Variants in KIF6 observed in about 807,000 individuals in gnomAD.
KIF6 encodes kinesin family member 6, also known as kinesin-like protein KIF6.
In KIF6, 106 loss-of-function variants were observed where a neutral mutation model predicts 112.7. That is an observed-to-expected ratio of 0.94 (90% CI 0.80 to 1.11). The LOEUF is 1.11. Ranked by LOEUF, KIF6 falls within the 50% of genes least tolerant of loss-of-function variation. KIF6 has a pLI of 0.00. For synonymous variants in KIF6, 339 were observed against 339.9 expected (o/e 1.00, Z 0.03); for missense variants, 929 against 964.0 (o/e 0.96, Z 0.48).
At chr6:39,397,559 C>A (rs1481700549) in intron 15 of KIF6, among the ~76,000 whole-genome samples, 2 of 152,130 alleles carry the variant, frequency 1.3e-5, no homozygotes, top group East Asian at 3.8e-4. Flanking sequence ...GTTCTGCCTG[C>A]CTGAAATTCC....
At chr6:39,379,064 T>C (rs1766697056) in intron 16 of KIF6, among the ~76,000 whole-genome samples, 1 of 152,232 alleles carries the variant, frequency 6.6e-6, no homozygotes, top group Admixed American at 6.5e-5. Flanking sequence ...TCAGTGTCCT[T>C]TATACAAGGA....
chr6:39,387,623 G>T (rs916764856), intron 15 of KIF6, among the ~76,000 whole-genome samples: 5 of 152,130 alleles, frequency 3.3e-5, no homozygotes, highest in Non-Finnish European at 5.9e-5. Context: ...ATGAGTATTG[G>T]TGAACCTGGA....
At chr6:39,414,223 A>G (rs1769729701) in intron 15 of KIF6, among the ~76,000 whole-genome samples, 1 of 152,038 alleles carries the variant, frequency 6.6e-6, no homozygotes, top group African/African-American at 2.4e-5. Flanking sequence ...TCGAGTCCTT[A>G]TTTGTGCTGG....
intron 14 of KIF6, among the ~76,000 whole-genome samples, chr6:39,427,504 T>C (rs1355580930): frequency 1.3e-5 from 2 of 152,112 alleles, no homozygotes; most frequent in Non-Finnish European, 2.9e-5. Context: ...AAGAAAGGGG[T>C]AGGTTCTGGG....
intron 13 of KIF6, among the ~76,000 whole-genome samples, chr6:39,504,106 A>T (rs1776299237): frequency 6.6e-6 from 1 of 152,156 alleles, no homozygotes; most frequent in African/African-American, 2.4e-5. Flanking sequence ...AAAAATCCTC[A>T]ACAAAATAAT....
At chr6:39,598,957 G>A (rs1782435136) in intron 6 of KIF6, among the ~76,000 whole-genome samples, 1 of 152,108 alleles carries the variant, frequency 6.6e-6, no homozygotes. Flanking sequence ...TAAAAACATG[G>A]ACCAGAAGCA....
chr6:39,356,099 G>C (rs1472552770), intron 19 of KIF6, among the ~76,000 whole-genome samples: 1 of 151,392 alleles, frequency 6.6e-6, no homozygotes, highest in African/African-American at 2.4e-5. Flanking sequence ...TGGTTTTTGG[G>C]GACCTTGACA....
intron 13 of KIF6, among the ~76,000 whole-genome samples, chr6:39,457,905 G>A (rs970039306): frequency 7.3e-5 from 11 of 150,422 alleles, no homozygotes; most frequent in African/African-American, 2.7e-4. Flanking sequence ...AAAGAGTCCA[G>A]GACCAGATGG....
rs192765693 is a variant in KIF6, at chr6:39,342,949, G to A, written c.2428+760C>T. 2.5e-4 allele frequency: 246 copies of A among 985,420 alleles called. No homozygotes were observed. The highest frequency in any genetic ancestry group is 2.8e-4 in the Non-Finnish European group (233 of 829,928). The allele number at this position is 985,420 out of a possible 1,614,324, so 61.0% of individuals were successfully genotyped here. ...CAGCCCATACCATCACGGTGGGGGC[G>A]CCTTTCTGGCAATGTGAAGGCAATG... On this transcript the variant is annotated intron_variant, in intron 22 of 22. Coordinates refer to ENST00000287152, the MANE Select transcript of KIF6 (RefSeq NM_145027.6). This position sits in a 1 kb window ranked among gnomAD's most constrained non-coding sequence, Gnocchi z 4.7.
chr6:39,343,709 A>G lies in KIF6; in HGVS notation c.2428T>C (p.Cys810Arg). The G allele has an allele frequency of 1.9e-6, 3 of 1,603,512 alleles. No individual in the cohort carries two copies. The highest frequency in any genetic ancestry group is 1.3e-5 in the African/African-American group (1 of 74,584). Residue 810 changes from cysteine (C) to arginine (R), a missense_variant and splice_region_variant, in exon 22 of 23, where the codon TGT becomes CGT. This residue lies in a region of KIF6 where 241 missense variants were observed against 301.4 expected (regional missense o/e 0.80). Transcript: ENST00000287152. The surrounding 1 kb of genome is among the most constrained non-coding windows in gnomAD (Gnocchi z 4.1). ...KARQSILQKQCLGSN is the reference protein window; with the variant it reads ...KARQSILQKQRLGSN ...GAGCCACCGAGGGAGGTGCACTTAC[A>G]TTGCTTCTGCAGAATGCTCTGTCTG...
At chr6:39,375,669 G>C (rs1008284700) in intron 16 of KIF6, among the ~76,000 whole-genome samples, 2 of 152,152 alleles carry the variant, frequency 1.3e-5, no homozygotes, top group Non-Finnish European at 2.9e-5. Context: ...AGGCCTGCAG[G>C]ATTGGACTAG....
intron 13 of KIF6, among the ~76,000 whole-genome samples, chr6:39,492,578 T>G (rs545129682): frequency 1.3e-5 from 2 of 152,162 alleles, no homozygotes; most frequent in Admixed American, 6.5e-5. Context: ...TGAGTTCCAG[T>G]GAAGGACCTG....
chr6:39,549,258 G>C (rs775324554), intron 10 of KIF6, among the ~76,000 whole-genome samples: 1 of 151,224 alleles, frequency 6.6e-6, no homozygotes, highest in South Asian at 2.1e-4. Flanking sequence ...GTAGCCATAT[G>C]TCCCTAAAAA....
At chr6:39,617,640 A>G (rs1783591924) in intron 5 of KIF6, 2 of 447,952 alleles carry the variant, frequency 4.5e-6, no homozygotes, top group Admixed American at 2.4e-5. Flanking sequence ...TCATAAGGCA[A>G]TGAAGAGCCT....
chr6:39,408,629 C>T (rs1769259123), intron 15 of KIF6, among the ~76,000 whole-genome samples: 1 of 149,016 alleles, frequency 6.7e-6, no homozygotes, highest in Admixed American at 6.7e-5. Context: ...ATAGGTGCCT[C>T]TCTCTCTCTC....
rs544086505 is a variant in KIF6, at chr6:39,439,821, A to G, written c.1646-8660T>C. 1.2e-4 allele frequency among the ~76,000 whole-genome samples: 18 copies of G among 152,282 alleles called. No homozygotes were observed. The South Asian group carries it at 3.3e-3, about 28-fold the overall frequency. On this transcript the variant is annotated intron_variant, in intron 13 of 22. Coordinates refer to ENST00000287152, the MANE Select transcript of KIF6 (RefSeq NM_145027.6). Reference sequence around the variant, plus strand: ...TGGAAACCAAATGGAAAGGAAAAACATCGGAAGTGGAGAGTTTATGCTATT... The same window carrying G: ...TGGAAACCAAATGGAAAGGAAAAACGTCGGAAGTGGAGAGTTTATGCTATT...
intron 10 of KIF6, among the ~76,000 whole-genome samples, chr6:39,569,506 A>G (rs1371108044): frequency 6.6e-6 from 1 of 152,264 alleles, no homozygotes; most frequent in Non-Finnish European, 1.5e-5. Context: ...GTTGAAATTT[A>G]TTCAACTTCA....
intron 22 of KIF6, among the ~76,000 whole-genome samples, chr6:39,337,225 T>TTCTTTCTTTCTC (rs1763065879): frequency 1.8e-5 from 2 of 111,194 alleles, no homozygotes; most frequent in South Asian, 2.5e-4. Flanking sequence ...CTTTCTTTCT[T>TTCTTTCTTTCTC]TCTTTCTTTC....
At chr6:39,618,091 C>G (rs772990769) in intron 5 of KIF6, among the ~76,000 whole-genome samples, 3 of 152,134 alleles carry the variant, frequency 2.0e-5, no homozygotes, top group Non-Finnish European at 2.9e-5. Context: ...TTACAACTTT[C>G]TAAAAGGTTT....
Sources: allele counts gnomAD v4.1 joint callset (sites outside exome capture counted in the v4.1 genomes callset), GRCh38; gene constraint gnomAD v4.1.1; regional missense constraint gnomAD v4.1.1; non-coding constraint Gnocchi (gnomAD v3.1); transcripts MANE v1.5; gene names NCBI Gene and HGNC (gene_info 2026-07-23, HGNC 2026-07-21).